The following PHACTR1 variants were observed in gnomAD, a reference collection of about 807,000 sequenced individuals.
PHACTR1 encodes the protein RPEL repeat containing 1.
PHACTR1 carries 16 observed loss-of-function variants against 69.2 expected under a neutral mutation model. The ratio of observed to expected loss-of-function variants is 0.23; its 90% CI spans 0.16 to 0.35. The LOEUF is 0.35. Among genes scored for constraint, PHACTR1 ranks in the 10% least tolerant of loss-of-function variants. The pLI is 1.00. For synonymous variants in PHACTR1, 312 were observed against 284.5 expected, an observed-to-expected ratio of 1.10 and a Z score of -0.97; for missense variants, 510 against 734.7, an observed-to-expected ratio of 0.69 and a Z score of 3.54.
At chr6:12,864,573 G>A (rs1264077740) in intron 4 of PHACTR1, among the ~76,000 whole-genome samples, 3 of 151,906 alleles carry the variant, frequency 2.0e-5, no homozygotes, top group Non-Finnish European at 4.4e-5. Context: ...CCAGCTACTC[G>A]GGAGGCTGAG....
At chr6:12,872,963 C>T (rs1448968987) in intron 4 of PHACTR1, among the ~76,000 whole-genome samples, 1 of 151,062 alleles carries the variant, frequency 6.6e-6, no homozygotes, top group Non-Finnish European at 1.5e-5. Flanking sequence ...TCCTTCCTTC[C>T]TTCCTTGCTT....
chr6:12,922,397 A>G (rs952955511), intron 4 of PHACTR1, among the ~76,000 whole-genome samples: 2 of 152,128 alleles, frequency 1.3e-5, no homozygotes, highest in Non-Finnish European at 2.9e-5. Context: ...AGAGAACTGC[A>G]TGCAGTGTAT....
At chr6:13,019,631 T>G (rs907683062) in intron 4 of PHACTR1, among the ~76,000 whole-genome samples, 2 of 152,246 alleles carry the variant, frequency 1.3e-5, no homozygotes, top group African/African-American at 2.4e-5. Context: ...TCTGACACTT[T>G]ACAGACATCT....
At chr6:12,954,314 A>G (rs889258971) in intron 4 of PHACTR1, among the ~76,000 whole-genome samples, 1 of 151,634 alleles carries the variant, frequency 6.6e-6, no homozygotes, top group Non-Finnish European at 1.5e-5. Context: ...AGGCAGTAGG[A>G]TGCTATTAAA....
intron 4 of PHACTR1, among the ~76,000 whole-genome samples, chr6:12,889,343 T>C (rs1244992743): frequency 6.6e-6 from 1 of 152,190 alleles, no homozygotes; most frequent in Non-Finnish European, 1.5e-5. Context: ...GGAAAGTGAA[T>C]GTTTACTTCA....
At chr6:12,718,638 CTA>C (rs1303389429) in intron 2 of PHACTR1, 59 bp from the exon 3 acceptor site, 20 of 450,150 alleles carry the variant, frequency 4.4e-5, no homozygotes, top group Non-Finnish European at 7.9e-5. Flanking sequence ...TAAAGTACAT[CTA>C]TATATACACT....
chr6:13,076,047 G>A (rs1169095041), intron 5 of PHACTR1, among the ~76,000 whole-genome samples: 4 of 125,540 alleles, frequency 3.2e-5, no homozygotes, highest in African/African-American at 1.1e-4. Context: ...TTTTTTTCTG[G>A]TTGGCTGATG....
intron 3 of PHACTR1, 42 bp from the exon 4 acceptor site, chr6:12,749,602 T>A: frequency 8.0e-7 from 1 of 1,244,954 alleles, no homozygotes; most frequent in Non-Finnish European, 1.1e-6. Flanking sequence ...TCCTCCCCCT[T>A]CCGCCTCTCT....
chr6:13,075,043 T>G (rs1012184431), intron 5 of PHACTR1, among the ~76,000 whole-genome samples: 1 of 152,206 alleles, frequency 6.6e-6, no homozygotes, highest in African/African-American at 2.4e-5. Flanking sequence ...TGGAATTATT[T>G]GAATCATTGT....
chr6:12,817,917 G>A (rs1303902873), intron 4 of PHACTR1, among the ~76,000 whole-genome samples: 2 of 150,734 alleles, frequency 1.3e-5, no homozygotes, highest in Admixed American at 1.3e-4. Flanking sequence ...TCTGCCTCCC[G>A]GGTTCACACC....
intron 4 of PHACTR1, among the ~76,000 whole-genome samples, chr6:13,035,521 C>T (rs1436873853): frequency 6.6e-6 from 1 of 151,868 alleles, no homozygotes; most frequent in East Asian, 1.9e-4. Context: ...AAGCAATTCT[C>T]TAGGTAAAAA....
chr6:12,740,152 C>T (rs2127583680), intron 3 of PHACTR1, among the ~76,000 whole-genome samples: 1 of 152,178 alleles, frequency 6.6e-6, no homozygotes, highest in Admixed American at 6.5e-5. Context: ...CTTGTTGCTG[C>T]ATGTAGCAGT....
At chr6:12,745,745 C>A (rs368157171) in intron 3 of PHACTR1, among the ~76,000 whole-genome samples, 1 of 152,278 alleles carries the variant, frequency 6.6e-6, no homozygotes, top group South Asian at 2.1e-4. Flanking sequence ...AGCAGAGATA[C>A]AAGAATAGCT....
intron 14 of PHACTR1, 97 bp downstream of exon 14, chr6:13,286,319 G>C (rs1435606293): frequency 9.6e-7 from 1 of 1,046,588 alleles, no homozygotes; most frequent in Non-Finnish European, 1.4e-6. Context: ...GAGTGGGTTG[G>C]AGGGTGCCAT....
chr6:13,205,773 C>G (rs1415805387), intron 7 of PHACTR1, 42 bp from the exon 8 acceptor site: 1 of 1,518,488 alleles, frequency 6.6e-7, no homozygotes, highest in South Asian at 1.2e-5. Flanking sequence ...TCTTCTGATG[C>G]CCCCAAACTC....
chr6:12,875,328 C>T (rs1382300831), intron 4 of PHACTR1, among the ~76,000 whole-genome samples: 1 of 152,196 alleles, frequency 6.6e-6, no homozygotes, highest in East Asian at 1.9e-4. Context: ...GCTGAAAGTC[C>T]CTGCTCTGCT....
chr6:12,817,681 C>A lies in PHACTR1; in HGVS notation c.250+67891C>A, dbSNP rs1775739591. Among the ~76,000 whole-genome samples, 3 of 152,058 alleles carry A rather than the reference C, an allele frequency of 2.0e-5. No homozygotes were observed. The South Asian group carries it at 6.2e-4, about 32-fold the overall frequency. On this transcript the variant is annotated intron_variant, in intron 4 of 14. Coordinates refer to ENST00000332995, the MANE Select transcript of PHACTR1 (RefSeq NM_030948.6). ...AGAGAAAAGAGCTCAAATCTTTGGA[C>A]CTTTTCAAACAGTAAGGTGGAAGAT...
At chr6:13,062,128 A>G (rs1052904142) in intron 5 of PHACTR1, among the ~76,000 whole-genome samples, 2 of 152,162 alleles carry the variant, frequency 1.3e-5, no homozygotes, top group Non-Finnish European at 2.9e-5. Flanking sequence ...CTCTCCTGAT[A>G]CTCATGACAG....
chr6:12,736,680 C>A (rs1431587254), intron 3 of PHACTR1, among the ~76,000 whole-genome samples: 1 of 152,060 alleles, frequency 6.6e-6, no homozygotes, highest in Non-Finnish European at 1.5e-5. Context: ...AAAGAATAAA[C>A]ATGTTTTTTT....
Sources: allele counts gnomAD v4.1 joint callset (sites outside exome capture counted in the v4.1 genomes callset), GRCh38; gene constraint gnomAD v4.1.1; transcripts MANE v1.5; gene names NCBI Gene and HGNC (gene_info 2026-07-23, HGNC 2026-07-21).